Variants in SLX4IP observed in about 807,000 individuals in gnomAD.
The protein encoded by SLX4IP is protein SLX4IP.
A neutral mutation model predicts 32.9 loss-of-function variants in SLX4IP; 34 were observed. The observed-to-expected ratio is 1.03, with a 90% CI of 0.79 to 1.38. SLX4IP has a LOEUF of 1.38. SLX4IP is among the 40% of genes most tolerant of loss of function. SLX4IP has a pLI of 0.00. For synonymous variants in SLX4IP, 172 were observed against 171.7 expected (o/e 1.00, Z -0.01); for missense variants, 444 against 479.0 (o/e 0.93, Z 0.68).
intron 4 of SLX4IP, among the ~76,000 whole-genome samples, chr20:10,580,499 C>CTTTTT (rs71186104): frequency 7.4e-5 from 10 of 134,854 alleles, no homozygotes; most frequent in South Asian, 2.4e-4. Flanking sequence ...TAGACTTACC[C>CTTTTT]TTTTTTTTTT....
At chr20:10,611,671 A>G (rs2066968265) in intron 6 of SLX4IP, among the ~76,000 whole-genome samples, 1 of 152,228 alleles carries the variant, frequency 6.6e-6, no homozygotes, top group Non-Finnish European at 1.5e-5. Context: ...CTTGAAATGC[A>G]TGGACATGGA....
chr20:10,551,891 T>A (rs1039878056), intron 2 of SLX4IP, among the ~76,000 whole-genome samples: 1 of 152,124 alleles, frequency 6.6e-6, no homozygotes, highest in Non-Finnish European at 1.5e-5. Flanking sequence ...ACTGATCCGA[T>A]TTATAGGTTA....
chr20:10,513,520 T>C (rs1467481439), intron 2 of SLX4IP, among the ~76,000 whole-genome samples: 1 of 152,216 alleles, frequency 6.6e-6, no homozygotes, highest in Non-Finnish European at 1.5e-5. Flanking sequence ...GGGTATTAGC[T>C]GCACCTTTTC....
intron 1 of SLX4IP, among the ~76,000 whole-genome samples, chr20:10,443,550 G>A (rs6074140): frequency 0.49 from 74,678 of 151,988 alleles, 19,675 homozygotes; most frequent in Non-Finnish European, 0.6. Flanking sequence ...TCCACAGTGC[G>A]GCATGCATGG....
intron 2 of SLX4IP, among the ~76,000 whole-genome samples, chr20:10,533,064 C>T (rs1464865281): frequency 6.6e-6 from 1 of 152,054 alleles, no homozygotes; most frequent in African/African-American, 2.4e-5. Flanking sequence ...GGTGAGCCAC[C>T]ACGCCTGGCC....
At chr20:10,561,545 C>CTTTTTTTTTTTTTTTTTTTTTTT (rs749781715) in intron 4 of SLX4IP, among the ~76,000 whole-genome samples, 3 of 139,148 alleles carry the variant, frequency 2.2e-5, no homozygotes, top group African/African-American at 5.3e-5. Context: ...TTTCTTTTTT[C>CTTTTTTTTTTTTTTTTTTTTTTT]TTTTTTTTTT....
intron 2 of SLX4IP, among the ~76,000 whole-genome samples, chr20:10,554,096 T>A (rs948678564): frequency 2.0e-5 from 3 of 152,244 alleles, no homozygotes; most frequent in Non-Finnish European, 2.9e-5. Flanking sequence ...ACATACAAAG[T>A]TCCTTTGTGA....
intron 6 of SLX4IP, among the ~76,000 whole-genome samples, chr20:10,608,895 G>A (rs2066935147): frequency 6.6e-6 from 1 of 151,876 alleles, no homozygotes; most frequent in South Asian, 2.1e-4. Flanking sequence ...CAAGAAACTC[G>A]ACTCCCTAAT....
intron 2 of SLX4IP, among the ~76,000 whole-genome samples, chr20:10,475,321 G>A (rs1381500731): frequency 6.6e-6 from 1 of 152,184 alleles, no homozygotes; most frequent in Non-Finnish European, 1.5e-5. Flanking sequence ...GTTGCCCAAG[G>A]GAACTTAGTG....
intron 2 of SLX4IP, among the ~76,000 whole-genome samples, chr20:10,491,700 T>C (rs1440498851): frequency 6.6e-6 from 1 of 152,232 alleles, no homozygotes. Flanking sequence ...ATATTTATCA[T>C]GTTTATGGAA....
chr20:10,490,921 G>T (rs1388174867), intron 2 of SLX4IP, among the ~76,000 whole-genome samples: 7 of 152,074 alleles, frequency 4.6e-5, no homozygotes, highest in Non-Finnish European at 8.8e-5. Context: ...GCTTTCACAT[G>T]CCTCACACCC....
intron 2 of SLX4IP, among the ~76,000 whole-genome samples, chr20:10,504,858 T>C (rs902706693): frequency 1.3e-5 from 2 of 152,072 alleles, no homozygotes; most frequent in African/African-American, 2.4e-5. Flanking sequence ...AAACTTGACT[T>C]ATTTATGCCG....
At chr20:10,560,364 T>C (rs957097054) in intron 3 of SLX4IP, among the ~76,000 whole-genome samples, 4 of 152,364 alleles carry the variant, frequency 2.6e-5, no homozygotes, top group East Asian at 3.9e-4. Context: ...TTGATACTTA[T>C]ATGAAAGCAT....
chr20:10,524,945 G>C (rs115590137), intron 2 of SLX4IP, among the ~76,000 whole-genome samples: 1 of 152,106 alleles, frequency 6.6e-6, no homozygotes, highest in African/African-American at 2.4e-5. Context: ...CTAAGGTTAC[G>C]TAACAGCCAC....
At chr20:10,621,740 G>A (rs771553751) in intron 7 of SLX4IP, among the ~76,000 whole-genome samples, 43 of 152,024 alleles carry the variant, frequency 2.8e-4, no homozygotes, top group Non-Finnish European at 4.1e-4. Context: ...TCCTTGTTCC[G>A]ACTTTAATAT....
At chr20:10,619,513 C>T (rs1212750210) in intron 6 of SLX4IP, among the ~76,000 whole-genome samples, 3 of 152,168 alleles carry the variant, frequency 2.0e-5, no homozygotes, top group African/African-American at 7.2e-5. Context: ...CAGCATCATA[C>T]TTTATGTGGC....
chr20:10,616,378 C>CA (rs35911173), intron 6 of SLX4IP, among the ~76,000 whole-genome samples: 1,703 of 142,464 alleles, frequency 0.012, 30 homozygotes, highest in Non-Finnish European at 0.019. Flanking sequence ...TGTCAAGTCC[C>CA]AAAAAAAAAA....
At chr20:10,525,502 A>G (rs1391881447) in intron 2 of SLX4IP, among the ~76,000 whole-genome samples, 1 of 152,198 alleles carries the variant, frequency 6.6e-6, no homozygotes, top group East Asian at 1.9e-4. Flanking sequence ...AAGTATTTTT[A>G]CCGCTTAGCC....
chr20:10,621,703 A>G (rs2067114037), intron 7 of SLX4IP, among the ~76,000 whole-genome samples: 1 of 148,566 alleles, frequency 6.7e-6, no homozygotes, highest in African/African-American at 2.5e-5. Context: ...AGACAGATCT[A>G]GAAAAAAAAA....
Sources: allele counts gnomAD v4.1 joint callset (sites outside exome capture counted in the v4.1 genomes callset), GRCh38; gene constraint gnomAD v4.1.1; transcripts MANE v1.5; gene names NCBI Gene and HGNC (gene_info 2026-07-23, HGNC 2026-07-21).